KCNIP4: variants seen among roughly 807,000 people sequenced by gnomAD.
The protein encoded by KCNIP4 is potassium voltage-gated channel interacting protein 4, also known as Kv channel-interacting protein 4.
A neutral mutation model predicts 34.0 loss-of-function variants in KCNIP4; 12 were observed. That is an observed-to-expected ratio of 0.35 (90% CI 0.23 to 0.57). The LOEUF is 0.57. Among genes scored for constraint, KCNIP4 ranks in the 20% least tolerant of loss-of-function variants. KCNIP4 has a pLI of 0.83. For missense variants in KCNIP4, 238 were observed against 311.7 expected (o/e 0.76, Z 1.78); for synonymous variants, 124 against 102.2 (o/e 1.21, Z -1.29).
chr4:21,888,889 T>C (rs949215719), intron 1 of KCNIP4, among the ~76,000 whole-genome samples: 1 of 152,142 alleles, frequency 6.6e-6, no homozygotes, highest in African/African-American at 2.4e-5. Flanking sequence ...ATGGATCACC[T>C]GTCAAGTTTT....
At chr4:21,726,412 T>G (rs1471775314) in intron 1 of KCNIP4, among the ~76,000 whole-genome samples, 2 of 152,186 alleles carry the variant, frequency 1.3e-5, no homozygotes, top group Admixed American at 6.5e-5. Flanking sequence ...TGCCTAGGCA[T>G]AAAGATAAGT....
intron 1 of KCNIP4, among the ~76,000 whole-genome samples, chr4:21,836,014 A>G (rs1723296096): frequency 6.6e-6 from 1 of 152,206 alleles, no homozygotes; most frequent in Non-Finnish European, 1.5e-5. Context: ...ACAGGTGGTA[A>G]AAGTATAAGA....
chr4:20,824,767 G>T (rs528885298), intron 3 of KCNIP4, among the ~76,000 whole-genome samples: 1 of 152,218 alleles, frequency 6.6e-6, no homozygotes, highest in African/African-American at 2.4e-5. Context: ...GAGATAGAAT[G>T]TTTCAGAATA....
At chr4:21,761,776 T>A (rs923809756) in intron 1 of KCNIP4, among the ~76,000 whole-genome samples, 4 of 152,060 alleles carry the variant, frequency 2.6e-5, no homozygotes, top group African/African-American at 9.7e-5. Flanking sequence ...TTGTATTGTT[T>A]AACAACATTA....
intron 1 of KCNIP4, among the ~76,000 whole-genome samples, chr4:21,374,600 C>T (rs1720801316): frequency 6.8e-6 from 1 of 147,430 alleles, no homozygotes; most frequent in Non-Finnish European, 1.5e-5. Flanking sequence ...AACAGGTGAA[C>T]TGTATGGTAT....
chr4:21,566,355 A>G (rs529531640), intron 1 of KCNIP4, among the ~76,000 whole-genome samples: 2 of 152,188 alleles, frequency 1.3e-5, no homozygotes, highest in East Asian at 3.9e-4. Context: ...CCAGTGTTGG[A>G]AGAGGGGCCT....
At chr4:21,739,852 A>C (rs1025102716) in intron 1 of KCNIP4, among the ~76,000 whole-genome samples, 1 of 152,152 alleles carries the variant, frequency 6.6e-6, no homozygotes, top group African/African-American at 2.4e-5. Flanking sequence ...ACAATGAATA[A>C]ATAAAAATGC....
intron 1 of KCNIP4, among the ~76,000 whole-genome samples, chr4:21,693,978 T>C (rs1010051372): frequency 1.3e-5 from 2 of 152,080 alleles, no homozygotes; most frequent in Admixed American, 6.6e-5. Flanking sequence ...TTCTTGATAA[T>C]GGAAAAATGT....
intron 5 of KCNIP4, among the ~76,000 whole-genome samples, chr4:20,748,457 CAT>C (rs1422416493): frequency 2.0e-5 from 3 of 151,470 alleles, no homozygotes; most frequent in Admixed American, 6.6e-5. Context: ...TTGCTGGCCT[CAT>C]TCATCATCTG....
intron 1 of KCNIP4, among the ~76,000 whole-genome samples, chr4:21,562,696 A>AG (rs2109035491): frequency 6.6e-6 from 1 of 152,164 alleles, no homozygotes; most frequent in African/African-American, 2.4e-5. Context: ...CTAGAAGGCC[A>AG]ACAACAAAAG....
rs187551369 is a variant in KCNIP4 at position 20,861,111 on chromosome 4, C to T, written c.164-10444G>A. 5.3e-5 allele frequency among the ~76,000 whole-genome samples: 8 copies of T among 152,230 alleles called. No individual in the cohort carries two copies. The East Asian group carries it at 7.7e-4, about 15-fold the overall frequency. ...ATTTGCTGAAGTCTGCACAGCTGTG[C>T]AGCTGATGAGTGTGGGCACGGGGAG... On this transcript the variant is annotated intron_variant, in intron 2 of 8. Transcript: ENST00000382152.
intron 1 of KCNIP4, among the ~76,000 whole-genome samples, chr4:21,525,418 A>G (rs1329104171): frequency 6.6e-6 from 1 of 152,160 alleles, no homozygotes; most frequent in Non-Finnish European, 1.5e-5. Context: ...TTACTTATGA[A>G]CTCAAATGTG....
intron 1 of KCNIP4, among the ~76,000 whole-genome samples, chr4:21,342,975 T>C (rs919675272): frequency 6.6e-6 from 1 of 152,150 alleles, no homozygotes; most frequent in Non-Finnish European, 1.5e-5. Flanking sequence ...CTGTTCATTT[T>C]TTTTTCTGAG....
rs1560784879 is a variant in KCNIP4, at chr4:21,177,895, A to T, written c.62-295186T>A. On this transcript the variant is annotated intron_variant, in intron 1 of 8. Transcript: ENST00000382152. ...ATATATATAAAATATAACATTTAAA[A>T]AGAAAAATTTAAACAAAGTTTGCAA... Among the ~76,000 whole-genome samples, 210 of 148,434 alleles carry T rather than the reference A, an allele frequency of 1.4e-3. 3 individuals are homozygous for T. The highest frequency in any genetic ancestry group is 5.1e-3 in the African/African-American group (201 of 39,578).
chr4:21,111,461 C>T (rs192089274), intron 1 of KCNIP4, among the ~76,000 whole-genome samples: 1 of 150,590 alleles, frequency 6.6e-6, no homozygotes, highest in Non-Finnish European at 1.5e-5. Context: ...AATGTGGCAA[C>T]CATCTCCAAG....
chr4:21,252,124 G>GTT (rs200110404), intron 1 of KCNIP4, among the ~76,000 whole-genome samples: 96 of 115,952 alleles, frequency 8.3e-4, no homozygotes, highest in East Asian at 5.5e-3. Flanking sequence ...CATGAATGAG[G>GTT]TTTTGTTTTT....
chr4:20,904,199 T>C (rs1342338718), intron 1 of KCNIP4, among the ~76,000 whole-genome samples: 4 of 152,080 alleles, frequency 2.6e-5, no homozygotes, highest in Non-Finnish European at 4.4e-5. Flanking sequence ...TCTGCTCTTA[T>C]GGTCAAGTTG....
chr4:21,433,747 A>G (rs918044727), intron 1 of KCNIP4, among the ~76,000 whole-genome samples: 6 of 152,068 alleles, frequency 3.9e-5, no homozygotes, highest in African/African-American at 7.2e-5. Context: ...GCTATAGCCA[A>G]TTTCCTTCCT....
At chr4:20,863,903 ATT>A (rs1488206376) in intron 2 of KCNIP4, among the ~76,000 whole-genome samples, 1 of 151,804 alleles carries the variant, frequency 6.6e-6, no homozygotes, top group East Asian at 1.9e-4. Context: ...TATTTATAGC[ATT>A]TGTTTTGTGT....
Sources: allele counts gnomAD v4.1 joint callset (sites outside exome capture counted in the v4.1 genomes callset), GRCh38; gene constraint gnomAD v4.1.1; transcripts MANE v1.5; gene names NCBI Gene and HGNC (gene_info 2026-07-23, HGNC 2026-07-21).